Variants in LRBA observed in about 807,000 individuals in gnomAD.
LRBA encodes LPS responsive beige-like anchor protein, also known as lipopolysaccharide-responsive and beige-like anchor protein.
A neutral mutation model predicts 330.0 loss-of-function variants in LRBA; 176 were observed. That is an observed-to-expected ratio of 0.53 (90% confidence interval 0.47 to 0.60). LRBA has a LOEUF of 0.60. LRBA is among the 20% of genes least tolerant of loss of function. LRBA has a pLI of 0.00. For synonymous variants in LRBA, 1,230 were observed against 1,193.0 expected, an observed-to-expected ratio of 1.03 and a Z score of -0.64; for missense variants, 3,259 against 3,444.8, an observed-to-expected ratio of 0.95 and a Z score of 1.35.
In LRBA at chr4:150,487,712, T is replaced by C. The variant is rs759360567; in HGVS notation, c.6551+20A>G. Reference sequence around the variant, plus strand: ...ATTAAGACACTTTACTTTCCCTAAGTTTCTCATATAAAACAGTACCTGGTT... The same window carrying C: ...ATTAAGACACTTTACTTTCCCTAAGCTTCTCATATAAAACAGTACCTGGTT... On this transcript the variant is annotated intron_variant, in intron 42 of 56. Coordinates refer to ENST00000651943, the MANE Select transcript of LRBA (RefSeq NM_001364905.1). The C allele has an allele frequency of 6.1e-6, 9 of 1,479,702 alleles. No individual in the cohort carries two copies. Among genetic ancestry groups the C allele is most frequent in the Admixed American group, 3.4e-5 (2 of 58,574 alleles). The allele number at this position is 1,479,702 out of a possible 1,614,324, so 91.7% of individuals were successfully genotyped here.
At chr4:150,423,452 G>A (rs760210692) in intron 46 of LRBA, 77 of 590,552 alleles carry the variant, frequency 1.3e-4, no homozygotes, top group Non-Finnish European at 2.0e-4. Context: ...TGTTGCCAGC[G>A]GGCCCCATTT....
intron 22 of LRBA, among the ~76,000 whole-genome samples, chr4:150,867,060 C>CA (rs1212839279): frequency 5.2e-5 from 6 of 115,134 alleles, no homozygotes; most frequent in Admixed American, 9.3e-5. Flanking sequence ...TAGAGTATTT[C>CA]AAAAAAGAAT....
intron 52 of LRBA, among the ~76,000 whole-genome samples, chr4:150,309,454 T>G (rs932169715): frequency 1.3e-5 from 2 of 152,174 alleles, no homozygotes; most frequent in African/African-American, 4.8e-5. Flanking sequence ...TCTAAAGAAT[T>G]AAGAGCTCAT....
chr4:150,772,787 A>G (rs1296716699), intron 34 of LRBA, among the ~76,000 whole-genome samples: 1 of 152,170 alleles, frequency 6.6e-6, no homozygotes, highest in Non-Finnish European at 1.5e-5. Context: ...TATGGCTTGC[A>G]CAGCAGCCTG....
chr4:150,503,821 G>A (rs1020100605), intron 40 of LRBA, among the ~76,000 whole-genome samples: 1 of 152,048 alleles, frequency 6.6e-6, no homozygotes, highest in Non-Finnish European at 1.5e-5. Context: ...TCGAACCAAT[G>A]GCAAAGAAGT....
At chr4:150,648,824 C>T (rs1779445695) in intron 37 of LRBA, among the ~76,000 whole-genome samples, 1 of 151,990 alleles carries the variant, frequency 6.6e-6, no homozygotes, top group Non-Finnish European at 1.5e-5. Flanking sequence ...TGAGAGTATC[C>T]ATCACACTAT....
At chr4:150,878,857 C>G (rs1386593749) in intron 17 of LRBA, among the ~76,000 whole-genome samples, 1 of 150,062 alleles carries the variant, frequency 6.7e-6, no homozygotes, top group Admixed American at 6.6e-5. Context: ...TTTTCTGGTC[C>G]AGGAATTTTT....
chr4:150,907,749 T>C (rs1235686473), intron 11 of LRBA, among the ~76,000 whole-genome samples: 1 of 152,176 alleles, frequency 6.6e-6, no homozygotes, highest in East Asian at 1.9e-4. Context: ...TTGAGACTCC[T>C]TTCCTACATT....
At chr4:150,914,377 C>CA (rs545883615) in intron 8 of LRBA, 36 bp from the exon 9 acceptor site, 1,765 of 1,348,062 alleles carry the variant, frequency 1.3e-3, no homozygotes, top group African/African-American at 2.6e-3. Flanking sequence ...TAGGAAAAAA[C>CA]AAAAAAAAAC....
At chr4:150,884,432 G>A (rs1456461683) in intron 17 of LRBA, among the ~76,000 whole-genome samples, 1 of 152,178 alleles carries the variant, frequency 6.6e-6, no homozygotes, top group Non-Finnish European at 1.5e-5. Context: ...GGGAAGGCAA[G>A]AGAGACTAGA....
chr4:150,416,973 G>A (rs902314081), intron 46 of LRBA, among the ~76,000 whole-genome samples: 4 of 113,058 alleles, frequency 3.5e-5, no homozygotes, highest in Admixed American at 2.6e-4. Flanking sequence ...TTTGTCCAAC[G>A]TTACCAGTTG....
intron 46 of LRBA, among the ~76,000 whole-genome samples, chr4:150,416,039 T>C (rs1378755977): frequency 6.6e-6 from 1 of 152,150 alleles, no homozygotes; most frequent in Non-Finnish European, 1.5e-5. Flanking sequence ...AGGAAGATAA[T>C]TTATTACAGT....
intron 37 of LRBA, among the ~76,000 whole-genome samples, chr4:150,666,078 T>C (rs1335894656): frequency 3.3e-5 from 5 of 151,150 alleles, no homozygotes; most frequent in Admixed American, 6.6e-5. Flanking sequence ...TGGGAGAGAG[T>C]AATCACGAAA....
intron 37 of LRBA, among the ~76,000 whole-genome samples, chr4:150,608,926 T>C (rs959969627): frequency 6.6e-6 from 1 of 152,250 alleles, no homozygotes; most frequent in Non-Finnish European, 1.5e-5. Context: ...TTGTAGCACA[T>C]ATTGGTAGCT....
At chr4:150,304,344 A>C (rs1011897665) in intron 52 of LRBA, among the ~76,000 whole-genome samples, 1 of 152,180 alleles carries the variant, frequency 6.6e-6, no homozygotes, top group African/African-American at 2.4e-5. Flanking sequence ...ATGAAGGCTG[A>C]AAATTTAGAA....
At chr4:150,866,163 T>C (rs1024877582) in intron 22 of LRBA, among the ~76,000 whole-genome samples, 1 of 150,876 alleles carries the variant, frequency 6.6e-6, no homozygotes, top group Non-Finnish European at 1.5e-5. Flanking sequence ...TAAATAGCTA[T>C]ATAATTATAC....
At chr4:150,639,854 TATATATATATATATATATTTA>T (rs1778484959) in intron 37 of LRBA, among the ~76,000 whole-genome samples, 1 of 78,928 alleles carries the variant, frequency 1.3e-5, no homozygotes, top group Non-Finnish European at 2.4e-5. Flanking sequence ...TATATATATA[TATATATATATATATATATTTA>T]GATGGAGTTT....
intron 37 of LRBA, among the ~76,000 whole-genome samples, chr4:150,609,195 T>C (rs1030717232): frequency 2.6e-5 from 4 of 152,240 alleles, no homozygotes; most frequent in African/African-American, 9.6e-5. Flanking sequence ...CAAATTATGA[T>C]AAATCCGGTC....
chr4:150,683,310 C>T (rs1333581297), intron 37 of LRBA, among the ~76,000 whole-genome samples: 1 of 152,086 alleles, frequency 6.6e-6, no homozygotes, highest in Non-Finnish European at 1.5e-5. Context: ...GTTGAGGAAA[C>T]TGATCTACAA....
Sources: gnomAD v4.1 joint callset for allele counts (sites outside exome capture counted in the v4.1 genomes callset) on GRCh38, gnomAD v4.1.1 for gene constraint, MANE v1.5 for transcripts, NCBI Gene and HGNC (gene_info 2026-07-23, HGNC 2026-07-21) for gene names.